Variants in SLC11A2 observed in about 807,000 individuals in gnomAD.
SLC11A2 encodes the protein natural resistance-associated macrophage protein 2.
SLC11A2 carries 38 observed loss-of-function variants against 68.0 expected under a neutral mutation model. The ratio of observed to expected loss-of-function variants is 0.56; its 90% CI spans 0.43 to 0.73. The LOEUF (loss-of-function observed/expected upper bound fraction) is 0.73. SLC11A2 is among the 30% of genes least tolerant of loss of function. The probability of loss-of-function intolerance (pLI) is 0.00; values close to 1 mark genes in which losing one functional copy is unlikely to be tolerated. For synonymous variants in SLC11A2, 242 were observed against 250.6 expected (o/e 0.97, Z 0.32); for missense variants, 517 against 690.5 (o/e 0.75, Z 2.82).
downstream of SLC11A2, chr12:50,981,556 C>G (rs1015395182): frequency 6.8e-6 from 4 of 591,416 alleles, no homozygotes; most frequent in Non-Finnish European, 1.2e-5. Flanking sequence ...GGTCTCTGAC[C>G]TACATTTATA....
At chr12:51,023,875 C>T (rs1248470413) in intron 1 of SLC11A2, among the ~76,000 whole-genome samples, 1 of 152,050 alleles carries the variant, frequency 6.6e-6, no homozygotes, top group Non-Finnish European at 1.5e-5. Flanking sequence ...CTTGTACTCC[C>T]AGCTACTAGG....
At chr12:51,020,298 G>A (rs1943952080) in intron 1 of SLC11A2, among the ~76,000 whole-genome samples, 2 of 150,896 alleles carry the variant, frequency 1.3e-5, no homozygotes, top group Non-Finnish European at 3.0e-5. Context: ...GCTCAAGTGA[G>A]GTATTATTTT....
At chr12:51,005,701 G>A (rs1332073032) in intron 3 of SLC11A2, 1 of 1,312,532 alleles carries the variant, frequency 7.6e-7, no homozygotes, top group Admixed American at 2.3e-5. Context: ...AACAGTATCA[G>A]TACCTCTGTG....
chr12:50,997,679 CAAAAA>C (rs35477132), intron 8 of SLC11A2, among the ~76,000 whole-genome samples: 1 of 44,974 alleles, frequency 2.2e-5, no homozygotes, highest in African/African-American at 1.2e-4. Context: ...GACTCTGTCT[CAAAAA>C]AAAAAAAAAA....
At chr12:51,019,760 G>A (rs887033028) in intron 1 of SLC11A2, among the ~76,000 whole-genome samples, 1 of 146,812 alleles carries the variant, frequency 6.8e-6, no homozygotes, top group African/African-American at 2.5e-5. Context: ...TGATCCTCCC[G>A]CCTCAGCCTC....
At chr12:50,998,562 C>T (rs1941936964) in intron 8 of SLC11A2, among the ~76,000 whole-genome samples, 1 of 152,018 alleles carries the variant, frequency 6.6e-6, no homozygotes, top group East Asian at 1.9e-4. Context: ...CTCTTGGAAG[C>T]CTTAGGCCAA....
intron 1 of SLC11A2, among the ~76,000 whole-genome samples, chr12:51,018,056 A>G (rs1403818556): frequency 6.6e-6 from 1 of 152,236 alleles, no homozygotes; most frequent in Non-Finnish European, 1.5e-5. Context: ...CTTAGCATTT[A>G]TAAGAACTCT....
downstream of SLC11A2, chr12:50,980,069 T>C (rs1317698818): frequency 5.1e-6 from 2 of 394,760 alleles, no homozygotes; most frequent in Non-Finnish European, 1.0e-5. Context: ...CTACAAAAAA[T>C]ACAAAAATTA....
At chr12:50,993,545 G>T (rs1345289804) in intron 11 of SLC11A2, among the ~76,000 whole-genome samples, 1 of 151,866 alleles carries the variant, frequency 6.6e-6, no homozygotes, top group African/African-American at 2.4e-5. Context: ...AAAATACAAG[G>T]CCAGGCATGG....
intron 1 of SLC11A2, among the ~76,000 whole-genome samples, chr12:51,020,663 C>T (rs1943980126): frequency 1.3e-5 from 2 of 152,154 alleles, no homozygotes; most frequent in Non-Finnish European, 1.5e-5. Flanking sequence ...CTGGGTTCCA[C>T]ATTTGTGGTT....
the SLC11A2 span, among the ~76,000 whole-genome samples, chr12:50,957,622 C>T: frequency 1.3e-5 from 2 of 151,936 alleles, no homozygotes; most frequent in Non-Finnish European, 2.9e-5. Context: ...TGGTGGCTCA[C>T]GCCTATAATC....
rs1382350564 is a variant in SLC11A2 at position 50,986,004 on chromosome 12, A to T, written c.*2321T>A. On this transcript the variant is annotated 3_prime_UTR_variant, in exon 16 of 16. Coordinates refer to ENST00000262052, the MANE Select transcript of SLC11A2 (RefSeq NM_000617.3). ...CCAGGAAACCAAATTGGAAAAAGAAATTTTTTTTTAATTAGAAACCAAGTT... is the reference window on the plus strand; with the variant it reads ...CCAGGAAACCAAATTGGAAAAAGAATTTTTTTTTTAATTAGAAACCAAGTT... 14 of 1,155,810 alleles carry T rather than the reference A, an allele frequency of 1.2e-5. No individual in the cohort carries two copies. The highest frequency in any genetic ancestry group is 4.2e-5 in the Admixed American group (1 of 23,972). 71.6% of individuals were successfully genotyped at this position (1,155,810 alleles called of 1,614,324 possible).
intron 5 of SLC11A2, among the ~76,000 whole-genome samples, chr12:51,001,873 T>A (rs565073173): frequency 6.6e-6 from 1 of 152,060 alleles, no homozygotes; most frequent in African/African-American, 2.4e-5. Flanking sequence ...AAGGTTGGAG[T>A]CACCTTTAAT....
chr12:51,002,171 A>G (rs1343833870), intron 5 of SLC11A2, among the ~76,000 whole-genome samples: 2 of 152,046 alleles, frequency 1.3e-5, no homozygotes, highest in Non-Finnish European at 2.9e-5. Context: ...AACATGGCAA[A>G]ACCCTGTCTC....
At chr12:50,967,888 A>C in the SLC11A2 span, among the ~76,000 whole-genome samples, 1 of 152,030 alleles carries the variant, frequency 6.6e-6, no homozygotes, top group Non-Finnish European at 1.5e-5. Context: ...GGAGTTTGAG[A>C]CCATTCTGGG....
At chr12:51,019,593 TAG>T (rs1943897125) in intron 1 of SLC11A2, among the ~76,000 whole-genome samples, 2 of 152,030 alleles carry the variant, frequency 1.3e-5, no homozygotes. Context: ...TTTTCCATTC[TAG>T]GTCATGAAGA....
chr12:51,010,212 C>CA (rs113821393), intron 2 of SLC11A2, among the ~76,000 whole-genome samples: 7,223 of 72,852 alleles, frequency 0.099, 585 homozygotes, highest in African/African-American at 0.23. Flanking sequence ...AACAAACAAA[C>CA]AAAAAAAAAA....
downstream of SLC11A2, chr12:50,981,398 C>A (rs540145269): frequency 1.1e-3 from 185 of 164,480 alleles, 2 homozygotes; most frequent in African/African-American, 4.4e-3. Context: ...TAAAACTCTA[C>A]CCAAACTGAG....
chr12:50,961,137 T>C, the SLC11A2 span: 2 of 1,602,814 alleles, frequency 1.2e-6, no homozygotes, highest in African/African-American at 2.7e-5. Flanking sequence ...TGTTCAGCTG[T>C]CTTTGAGAGT....
Sources: allele counts gnomAD v4.1 joint callset (sites outside exome capture counted in the v4.1 genomes callset), GRCh38; gene constraint gnomAD v4.1.1; transcripts MANE v1.5; gene names NCBI Gene and HGNC (gene_info 2026-07-23, HGNC 2026-07-21).